NCOR1: variants seen among roughly 807,000 people sequenced by gnomAD.
NCOR1 encodes the protein nuclear receptor corepressor 1.
A neutral mutation model predicts 288.1 loss-of-function variants in NCOR1; 63 were observed. The observed-to-expected ratio is 0.22, with a 90% CI of 0.18 to 0.27. The LOEUF (loss-of-function observed/expected upper bound fraction) is 0.27, where lower values mean the gene tolerates loss of function less well. Among genes scored for constraint, NCOR1 ranks in the 10% least tolerant of loss-of-function variants. NCOR1 has a pLI of 1.00. For missense variants in NCOR1, 2,397 were observed against 3,019.2 expected (o/e 0.79, Z 4.83); for synonymous variants, 1,007 against 1,065.9 (o/e 0.94, Z 1.08).
At chr17:16,111,760 A>T (rs986397158) in intron 18 of NCOR1, among the ~76,000 whole-genome samples, 1 of 152,194 alleles carries the variant, frequency 6.6e-6, no homozygotes, top group African/African-American at 2.4e-5. Flanking sequence ...CAATCACAGG[A>T]GCCAGTTCCT....
At chr17:16,092,693 ATATTTT>A (rs1257435989) in intron 21 of NCOR1, among the ~76,000 whole-genome samples, 34 of 12,750 alleles carry the variant, frequency 2.7e-3, no homozygotes, top group Non-Finnish European at 3.4e-3. Context: ...ATATATATAT[ATATTTT>A]TTTTTTTTTT....
intron 3 of NCOR1, among the ~76,000 whole-genome samples, chr17:16,177,441 C>T (rs986327155): frequency 6.6e-6 from 1 of 152,158 alleles, no homozygotes; most frequent in Non-Finnish European, 1.5e-5. Flanking sequence ...CCATTCCCCA[C>T]CCTCCTGCTC....
At chr17:16,116,172 G>C (rs188788724) in intron 18 of NCOR1, among the ~76,000 whole-genome samples, 5 of 152,238 alleles carry the variant, frequency 3.3e-5, no homozygotes, top group African/African-American at 7.2e-5. Flanking sequence ...TGAGAAAAAG[G>C]CCTGCCCCAT....
chr17:16,071,303 TC>T (rs2061735098), intron 30 of NCOR1, 105 bp downstream of exon 30: 5 of 1,459,002 alleles, frequency 3.4e-6, no homozygotes, highest in Non-Finnish European at 4.6e-6. Flanking sequence ...CATGTTTACT[TC>T]CAGGAGGTCT....
At chr17:16,068,320 G>A (rs1219569017) in intron 31 of NCOR1, 199 bp from the exon 32 acceptor site, 3 of 560,042 alleles carry the variant, frequency 5.4e-6, no homozygotes, top group Non-Finnish European at 9.5e-6. Context: ...TAGAAACTGA[G>A]ATTTGGAGAG....
In NCOR1 at chr17:16,184,186, A is replaced by G. The variant is rs951899872; in HGVS notation, c.242+2368T>C. Among the ~76,000 whole-genome samples the G allele has an allele frequency of 9.2e-5, 14 of 152,224 alleles. 1 individual carries two copies. Among genetic ancestry groups the G allele is most frequent in the African/African-American group, 3.1e-4 (13 of 41,472 alleles). ...ACCGACCTTGGCAATGATTTTTTGCATATCAAGAGGTCAGGCCACAAAAGC... is the reference window on the plus strand; with the variant it reads ...ACCGACCTTGGCAATGATTTTTTGCGTATCAAGAGGTCAGGCCACAAAAGC... On this transcript the variant is annotated intron_variant, in intron 3 of 45. Transcript: ENST00000268712.
At chr17:16,092,689 ATATATATTT>A (rs1487505781) in intron 21 of NCOR1, among the ~76,000 whole-genome samples, 13 of 11,028 alleles carry the variant, frequency 1.2e-3, no homozygotes, top group Admixed American at 8.7e-3. Context: ...ATATATATAT[ATATATATTT>A]TTTTTTTTTT....
intron 3 of NCOR1, among the ~76,000 whole-genome samples, chr17:16,179,977 A>C (rs1005483796): frequency 6.6e-6 from 1 of 151,642 alleles, no homozygotes; most frequent in Admixed American, 6.6e-5. Flanking sequence ...AAAAAAAAAA[A>C]AACAAACCTC....
chr17:16,165,757 C>T (rs985733012), intron 4 of NCOR1, among the ~76,000 whole-genome samples: 1 of 152,160 alleles, frequency 6.6e-6, no homozygotes, highest in African/African-American at 2.4e-5. Context: ...CAAAAACATC[C>T]CATTGTGCCT....
intron 3 of NCOR1, among the ~76,000 whole-genome samples, chr17:16,172,614 G>C (rs1053581110): frequency 6.6e-6 from 1 of 152,162 alleles, no homozygotes; most frequent in African/African-American, 2.4e-5. Context: ...TCACTTATGA[G>C]GTACCATTCA....
intron 45 of NCOR1, 33 bp downstream of exon 45, chr17:16,034,732 G>C: frequency 6.4e-7 from 1 of 1,557,168 alleles, no homozygotes; most frequent in African/African-American, 1.4e-5. Flanking sequence ...TTATTGCTCT[G>C]TCTCATTTTC....
At chr17:16,164,811 A>G (rs952367796) in intron 5 of NCOR1, 168 bp downstream of exon 5, 6 of 502,232 alleles carry the variant, frequency 1.2e-5, no homozygotes, top group Non-Finnish European at 2.1e-5. Context: ...TGCAGCAAGG[A>G]AAATGAATGA....
chr17:16,148,595 C>T (rs543892340), intron 9 of NCOR1, among the ~76,000 whole-genome samples: 1 of 107,316 alleles, frequency 9.3e-6, no homozygotes, highest in South Asian at 3.3e-4. Flanking sequence ...AGAATTACAA[C>T]AAAATTACTT....
At position 16,104,235 on chromosome 17, in the gene NCOR1, A is replaced by AAAGTACATGAATGG. The variant is rs201591260; in HGVS notation, c.2183-2492_2183-2479dup. On this transcript the variant is annotated intron_variant, in intron 19 of 45. Transcript: ENST00000268712. ...TAGACTCAAATACTGGCTGGATTAT[A>AAAGTACATGAATGG]AAGTACATGAATGGTTGTGAAAACC... Among the ~76,000 whole-genome samples the AAAGTACATGAATGG allele has an allele frequency of 6.3e-3, 961 of 152,336 alleles. 14 individuals are homozygous for AAAGTACATGAATGG. Among genetic ancestry groups the AAAGTACATGAATGG allele is most frequent in the African/African-American group, 0.021 (893 of 41,574 alleles).
rs373060753 is a variant in NCOR1 at position 16,127,329 on chromosome 17, GTATATATACA to G, written c.1510-1133_1510-1124del. 4.8e-3 allele frequency among the ~76,000 whole-genome samples: 255 copies of G among 52,578 alleles called. 40 individuals carry two copies. Among genetic ancestry groups the G allele is most frequent in the African/African-American group, 6.9e-3 (147 of 21,370 alleles). 34.5% of individuals were successfully genotyped at this position (52,578 alleles called of 152,430 possible). ...TATATACATGTATGTATATATGTAT[GTATATATACA>G]TGTATGTATATATGTATGTATATAT... On this transcript the variant is annotated intron_variant, in intron 14 of 45. Transcript: ENST00000268712.
At chr17:16,210,168 G>C (rs1438540636) in intron 1 of NCOR1, among the ~76,000 whole-genome samples, 1 of 152,150 alleles carries the variant, frequency 6.6e-6, no homozygotes, top group Non-Finnish European at 1.5e-5. Flanking sequence ...AGGATCACCT[G>C]AGGTCAGGAG....
At chr17:16,139,813 A>G (rs1161671554) in intron 11 of NCOR1, among the ~76,000 whole-genome samples, 2 of 152,206 alleles carry the variant, frequency 1.3e-5, no homozygotes, top group Non-Finnish European at 2.9e-5. Context: ...TAACTGAGGA[A>G]ATTTTTAAGT....
chr17:16,197,692 G>A (rs2153570159), intron 1 of NCOR1, among the ~76,000 whole-genome samples: 1 of 152,310 alleles, frequency 6.6e-6, no homozygotes, highest in East Asian at 1.9e-4. Flanking sequence ...TGAACTAGGA[G>A]GAGCTGAGAT....
intron 9 of NCOR1, among the ~76,000 whole-genome samples, chr17:16,147,364 G>A (rs150391008): frequency 0.011 from 1,710 of 152,074 alleles, 36 homozygotes; most frequent in African/African-American, 0.038. Context: ...AGCCGAGATC[G>A]CACCACTGCA....
Sources: allele counts gnomAD v4.1 joint callset (sites outside exome capture counted in the v4.1 genomes callset), GRCh38; gene constraint gnomAD v4.1.1; transcripts MANE v1.5; gene names NCBI Gene and HGNC (gene_info 2026-07-23, HGNC 2026-07-21).